PDCD4: variants seen among roughly 807,000 people sequenced by gnomAD.
PDCD4 encodes programmed cell death 4, also known as programmed cell death protein 4.
Under a neutral mutation model 54.0 loss-of-function variants are expected in PDCD4, and 56 were observed. The ratio of observed to expected loss-of-function variants is 1.04; its 90% CI spans 0.84 to 1.30. The LOEUF (loss-of-function observed/expected upper bound fraction) is 1.30. Among genes scored for constraint, PDCD4 ranks in the 50% most tolerant of loss-of-function variants. The probability of loss-of-function intolerance (pLI) is 0.00; values close to 1 mark genes in which losing one functional copy is unlikely to be tolerated. For missense variants in PDCD4, 584 were observed against 559.8 expected (o/e 1.04, Z -0.44); for synonymous variants, 186 against 194.8 (o/e 0.95, Z 0.37).
intron 7 of PDCD4, 31 bp from the exon 8 acceptor site, chr10:110,890,525 A>G (rs1244036619): frequency 7.3e-7 from 1 of 1,370,208 alleles, no homozygotes; most frequent in Non-Finnish European, 1.0e-6. Flanking sequence ...ATGTCCAGCT[A>G]TCAAACTTAA....
intron 2 of PDCD4, among the ~76,000 whole-genome samples, chr10:110,877,998 A>G (rs1845533036): frequency 1.3e-5 from 2 of 152,178 alleles, no homozygotes; most frequent in African/African-American, 2.4e-5. Flanking sequence ...AGTAATTGAA[A>G]ATGTGATTTT....
chr10:110,878,591 A>C (rs1334443632), intron 2 of PDCD4, among the ~76,000 whole-genome samples: 1 of 152,156 alleles, frequency 6.6e-6, no homozygotes, highest in Non-Finnish European at 1.5e-5. Flanking sequence ...ATTTTTGTTT[A>C]TCTCTCTTTA....
At chr10:110,897,272 A>G (rs1845852936) in intron 11 of PDCD4, among the ~76,000 whole-genome samples, 1 of 152,252 alleles carries the variant, frequency 6.6e-6, no homozygotes, top group South Asian at 2.1e-4. Flanking sequence ...TATACATACC[A>G]TACAGCTTTG....
chr10:110,887,238 A>G (rs534818380), intron 5 of PDCD4, among the ~76,000 whole-genome samples: 2 of 152,234 alleles, frequency 1.3e-5, no homozygotes, highest in South Asian at 2.1e-4. Context: ...GTATAGTAAC[A>G]TACTATACAG....
rs1052550 is a variant in PDCD4 at position 110,898,269 on chromosome 10, T to C, written c.*181T>C. 22,511 of 401,114 alleles carry C rather than the reference T, an allele frequency of 0.056. 729 individuals carry two copies. Among genetic ancestry groups the C allele is most frequent in the East Asian group, 0.086 (2,321 of 27,062 alleles). The allele number at this position is 401,114 out of a possible 1,614,324, so 24.8% of individuals were successfully genotyped here. A position where few individuals can be genotyped will look rare whatever the true frequency, so the allele number is the denominator to read the frequency against. ...AAAGGAAATGTTTTTTCTTTTTTTT[T>C]TGTTTTTCGAGGGGGCAAGGAGGGA... On this transcript the variant is annotated 3_prime_UTR_variant, in exon 12 of 12. Coordinates refer to ENST00000280154, the MANE Select transcript of PDCD4 (RefSeq NM_014456.5).
At chr10:110,886,171 A>T (rs1380717388) in intron 5 of PDCD4, among the ~76,000 whole-genome samples, 1 of 152,194 alleles carries the variant, frequency 6.6e-6, no homozygotes, top group Non-Finnish European at 1.5e-5. Context: ...ATGTAAACAG[A>T]TTATTAAAAT....
chr10:110,896,151 C>T (rs1845829026), intron 11 of PDCD4, 64 bp downstream of exon 11: 2 of 1,260,686 alleles, frequency 1.6e-6, no homozygotes, highest in Non-Finnish European at 2.2e-6. Flanking sequence ...GGAAGGTTAA[C>T]TGCTAAGTTA....
At chr10:110,886,049 G>T (rs564141042) in intron 5 of PDCD4, among the ~76,000 whole-genome samples, 55 of 152,134 alleles carry the variant, frequency 3.6e-4, no homozygotes, top group Non-Finnish European at 4.6e-4. Context: ...GATATCTTTG[G>T]ATTTGTAGGA....
At position 110,899,703 on chromosome 10, in the gene PDCD4, A is replaced by G. The variant is rs1845932049; in HGVS notation, c.*1615A>G. 1.3e-5 allele frequency: 2 copies of G among 152,128 alleles called. No individual in the cohort carries two copies. Among genetic ancestry groups the G allele is most frequent in the Non-Finnish European group, 1.5e-5 (1 of 68,122 alleles). The allele number at this position is 152,128 out of a possible 1,614,324, so 9.4% of individuals were successfully genotyped here. A position where few individuals can be genotyped will look rare whatever the true frequency, so the allele number is the denominator to read the frequency against. On this transcript the variant is annotated 3_prime_UTR_variant, in exon 12 of 12. Coordinates refer to ENST00000280154, the MANE Select transcript of PDCD4 (RefSeq NM_014456.5). ...TCCCAGCTACTTGGGAGGCTGAGGC[A>G]GGAGAATTGCTTGAACCTGGGAGGC...
intron 8 of PDCD4, among the ~76,000 whole-genome samples, chr10:110,893,516 G>A (rs1169999297): frequency 6.6e-6 from 1 of 151,718 alleles, no homozygotes; most frequent in African/African-American, 2.4e-5. Context: ...AAGTTTGAGC[G>A]GGAAAATCAA....
intron 5 of PDCD4, among the ~76,000 whole-genome samples, chr10:110,886,696 T>A (rs1440341186): frequency 6.6e-6 from 1 of 152,062 alleles, no homozygotes; most frequent in Non-Finnish European, 1.5e-5. Flanking sequence ...GTATGATAGG[T>A]GTGATAATTT....
chr10:110,898,092 T>G lies in PDCD4; in HGVS notation c.*4T>G. On this transcript the variant is annotated 3_prime_UTR_variant, in exon 12 of 12. Transcript: ENST00000280154. ...TCTTAAACCAGAGAGCTACTGAATATAAGAACTCTTGCAGTCTTAGATGTT... is the reference window on the plus strand; with the variant it reads ...TCTTAAACCAGAGAGCTACTGAATAGAAGAACTCTTGCAGTCTTAGATGTT... 2 of 1,553,832 alleles carry G rather than the reference T, an allele frequency of 1.3e-6. No homozygotes were observed. Among genetic ancestry groups the G allele is most frequent in the Non-Finnish European group, 1.8e-6 (2 of 1,140,314 alleles).
intron 5 of PDCD4, among the ~76,000 whole-genome samples, chr10:110,885,778 G>A (rs1446687143): frequency 1.3e-5 from 2 of 151,650 alleles, no homozygotes; most frequent in African/African-American, 4.8e-5. Flanking sequence ...TTTCACGTAT[G>A]TTCAGAAGTA....
At chr10:110,882,891 C>A in intron 3 of PDCD4, 112 bp from the exon 4 acceptor site, 2 of 692,182 alleles carry the variant, frequency 2.9e-6, no homozygotes, top group South Asian at 3.4e-5. Context: ...AAAACTAACA[C>A]GTTAAATACA....
intron 2 of PDCD4, among the ~76,000 whole-genome samples, chr10:110,879,131 C>A (rs1225567176): frequency 6.6e-6 from 1 of 152,156 alleles, no homozygotes; most frequent in African/African-American, 2.4e-5. Flanking sequence ...ACAGTTACTA[C>A]CCTTGCTCTT....
At chr10:110,889,828 G>A (rs185103108) in intron 7 of PDCD4, among the ~76,000 whole-genome samples, 198 bp downstream of exon 7, 4 of 152,248 alleles carry the variant, frequency 2.6e-5, no homozygotes, top group Non-Finnish European at 5.9e-5. Context: ...AAGTTCTGGA[G>A]TTTAGCTAAA....
At position 110,882,929 on chromosome 10, in the gene PDCD4, G is replaced by A. The variant is rs765895505; in HGVS notation, c.347-74G>A. The stretch of plus-strand genomic sequence containing the variant: ...TTTTTTTTAGCTGTTGTTTAACATC[G>A]GAACATTTTATTTTAGATTTCAACA... On this transcript the variant is annotated intron_variant, in intron 3 of 11. Transcript: ENST00000280154. 34 of 947,692 alleles carry A rather than the reference G, an allele frequency of 3.6e-5. No individual in the cohort carries two copies. The African/African-American group carries it at 4.9e-4, about 14-fold the overall frequency. The allele number at this position is 947,692 out of a possible 1,614,324, so 58.7% of individuals were successfully genotyped here.
intron 1 of PDCD4, among the ~76,000 whole-genome samples, chr10:110,873,239 A>T (rs888736929): frequency 2.0e-5 from 3 of 152,242 alleles, no homozygotes; most frequent in African/African-American, 7.2e-5. Flanking sequence ...TAGGACTGCA[A>T]AAATAAATGC....
Position 110,895,991 on chromosome 10 carries a change from A to G in PDCD4, c.1253A>G (p.Asp418Gly). ...AATGAAATTCCGGACATTAATCTGGATGTCCCACATTCATACTCTGTGCTG... is the reference window on the plus strand; with the variant it reads ...AATGAAATTCCGGACATTAATCTGGGTGTCCCACATTCATACTCTGTGCTG... ...IYNEIPDINL[D>G]VPHSYSVLER... is the part of the protein sequence containing the mutation. The change falls in exon 11 of 12, where the codon GAT becomes GGT. Residue 418 changes from aspartate (D) to glycine (G), a missense_variant. Asp to Gly is a moderately conservative substitution (Grantham distance 94, BLOSUM62 -1). Coordinates refer to ENST00000280154, the MANE Select transcript of PDCD4 (RefSeq NM_014456.5). The G allele has an allele frequency of 1.9e-6, 3 of 1,605,754 alleles. No homozygotes were observed. Among genetic ancestry groups the G allele is most frequent in the Non-Finnish European group, 2.6e-6 (3 of 1,174,746 alleles).
Sources: allele counts gnomAD v4.1 joint callset (sites outside exome capture counted in the v4.1 genomes callset), GRCh38; gene constraint gnomAD v4.1.1; transcripts MANE v1.5; gene names NCBI Gene and HGNC (gene_info 2026-07-23, HGNC 2026-07-21).